Variants in CALCOCO1 observed in about 807,000 individuals in gnomAD.
CALCOCO1 encodes the protein calcium-binding and coiled-coil domain-containing protein 1.
CALCOCO1 carries 44 observed loss-of-function variants against 86.3 expected under a neutral mutation model. The ratio of observed to expected loss-of-function variants is 0.51; its 90% CI spans 0.40 to 0.66. The LOEUF is 0.66. CALCOCO1 is among the 30% of genes least tolerant of loss of function. The probability of loss-of-function intolerance (pLI) is 0.00; values close to 1 mark genes in which losing one functional copy is unlikely to be tolerated. For synonymous variants in CALCOCO1, 297 were observed against 327.6 expected (o/e 0.91, Z 1.01); for missense variants, 708 against 851.1 (o/e 0.83, Z 2.09).
intron 7 of CALCOCO1, 126 bp from the exon 8 acceptor site, chr12:53,716,541 C>T (rs573177087): frequency 5.4e-5 from 51 of 937,234 alleles, no homozygotes; most frequent in Middle Eastern, 2.8e-4. Context: ...AAGCCTTCAG[C>T]TATTGCCAGC....
At chr12:53,716,448 G>T (rs1345560935) in intron 7 of CALCOCO1, 33 bp from the exon 8 acceptor site, 2 of 1,613,504 alleles carry the variant, frequency 1.2e-6, no homozygotes, top group Non-Finnish European at 1.7e-6. Context: ...AAGGAAAGGG[G>T]TATGTGTGTT....
chr12:53,712,763 C>G, intron 14 of CALCOCO1: 1 of 1,314,298 alleles, frequency 7.6e-7, no homozygotes, highest in Non-Finnish European at 9.9e-7. Context: ...CCGGAGGACC[C>G]TAGGTACCTA....
Position 53,721,366 on chromosome 12 carries a change from C to T in CALCOCO1, c.758+101G>A, listed in dbSNP as rs189315103. On this transcript the variant is annotated intron_variant, in intron 6 of 14. Coordinates refer to ENST00000550804, the MANE Select transcript of CALCOCO1 (RefSeq NM_020898.3). Reference sequence around the variant, plus strand: ...GTGAGGGTGAGAGGGAAAGAGAAAGCGTGTGAGGCAGACAGCAGGTCTGCT... The same window carrying T: ...GTGAGGGTGAGAGGGAAAGAGAAAGTGTGTGAGGCAGACAGCAGGTCTGCT... 201 of 1,046,558 alleles carry T rather than the reference C, an allele frequency of 1.9e-4. No individual in the cohort carries two copies. The Middle Eastern group carries it at 2.6e-3, about 14-fold the overall frequency. The allele number at this position is 1,046,558 out of a possible 1,614,324, so 64.8% of individuals were successfully genotyped here.
At position 53,716,057 on chromosome 12, in the gene CALCOCO1, AAGG is replaced by A. The variant is rs781077151; in HGVS notation, c.1006-13_1006-11del. ...AGGGCTCCAGCTCGGCCTCAGGAGA[AAGG>A]AGGAGATGGAGATCAGAGTTCCTAG... is the stretch of plus-strand genomic sequence containing the variant. On this transcript the variant is annotated splice_polypyrimidine_tract_variant and intron_variant, in intron 8 of 14. Transcript: ENST00000550804. 3 of 1,610,778 alleles carry A rather than the reference AAGG, an allele frequency of 1.9e-6. No individual in the cohort carries two copies. Among genetic ancestry groups the A allele is most frequent in the Admixed American group, 1.7e-5 (1 of 60,016 alleles).
intron 4 of CALCOCO1, 27 bp from the exon 5 acceptor site, chr12:53,722,210 G>A: frequency 6.2e-7 from 1 of 1,609,858 alleles, no homozygotes. Context: ...GAGAAGGGGA[G>A]TGTGCTGGTG....
At chr12:53,712,334 G>A in intron 14 of CALCOCO1, 1 of 541,100 alleles carries the variant, frequency 1.8e-6, no homozygotes, top group Non-Finnish European at 3.3e-6. Flanking sequence ...AGTCCCTGCT[G>A]GTCTCTGCAG....
Position 53,713,914 on chromosome 12 carries a change from A to C in CALCOCO1, c.1592-14T>G, listed in dbSNP as rs770014574. 1.3e-6 allele frequency: 2 copies of C among 1,525,014 alleles called. No individual in the cohort carries two copies. The highest frequency in any genetic ancestry group is 4.3e-5 in the Admixed American group (2 of 46,990). 94.5% of individuals were successfully genotyped at this position (1,525,014 alleles called of 1,614,324 possible). The stretch of plus-strand genomic sequence containing the variant: ...CTGCCGGGCAGCCTGTAGGAGATGA[A>C]GCAGGCAGAGAAGAAAAAAGGATGT... On this transcript the variant is annotated splice_polypyrimidine_tract_variant and intron_variant, in intron 12 of 14. Transcript: ENST00000550804.
chr12:53,715,612 G>T, intron 9 of CALCOCO1, 181 bp downstream of exon 9: 2 of 824,328 alleles, frequency 2.4e-6, no homozygotes, highest in South Asian at 1.8e-5. Flanking sequence ...GGGATACCCC[G>T]GTTAGGGATG....
At position 53,716,328 on chromosome 12, in the gene CALCOCO1, G is replaced by C. The variant is rs1324379667; in HGVS notation, c.937C>G (p.Gln313Glu). 1 of 1,614,204 alleles carries C rather than the reference G, an allele frequency of 6.2e-7. No individual in the cohort carries two copies. The highest frequency in any genetic ancestry group is 1.1e-5 in the South Asian group (1 of 91,074). The change falls in exon 8 of 15, where the codon CAG becomes GAG. Residue 313 changes from glutamine to glutamate, a missense_variant. Transcript: ENST00000550804. Reference sequence around the variant, plus strand: ...ACCTTGTCTTTCAGTCGCTGAGCCTGAGCACTCTGCTCCTCTTGCCAGCTC... The same window carrying C: ...ACCTTGTCTTTCAGTCGCTGAGCCTCAGCACTCTGCTCCTCTTGCCAGCTC... ...AKSWQEEQSAQAQRLKDKVAQ... is the reference protein window; with the variant it reads ...AKSWQEEQSAEAQRLKDKVAQ...
Position 53,711,166 on chromosome 12 carries a change from AG to A in CALCOCO1, c.*777del. ...TTCAAACTACAAAGGGATGGATATC[AG>A]GGGGAAGCTTTTATTGCTGTGGGGG... is the stretch of plus-strand genomic sequence containing the variant. On this transcript the variant is annotated 3_prime_UTR_variant, in exon 15 of 15. Transcript: ENST00000550804. 2.5e-6 allele frequency: 1 copy of A among 397,746 alleles called. No homozygotes were observed. 24.6% of individuals were successfully genotyped at this position (397,746 alleles called of 1,614,324 possible).
Position 53,719,833 on chromosome 12 carries a change from T to C in CALCOCO1, c.759-4A>G. The C allele has an allele frequency of 6.2e-7, 1 of 1,606,326 alleles. No homozygotes were observed. The highest frequency in any genetic ancestry group is 8.5e-7 in the Non-Finnish European group (1 of 1,173,382). On this transcript the variant is annotated splice_polypyrimidine_tract_variant and splice_region_variant and intron_variant, in intron 6 of 14. Transcript: ENST00000550804. ...GGCCTTCACTGTGTCTCTAAGCCTG[T>C]GATTGGTGGGATGACATGTCAGACA...
At chr12:53,722,495 T>A (rs1945902819) in intron 4 of CALCOCO1, among the ~76,000 whole-genome samples, 1 of 152,142 alleles carries the variant, frequency 6.6e-6, no homozygotes, top group Non-Finnish European at 1.5e-5. Context: ...AAGGGATGGG[T>A]CCCCTAATTT....
rs565082593 is a variant in CALCOCO1, at chr12:53,715,209, A to G, written c.1377T>C (p.Asp459=). Residue 459 remains aspartate (D), a synonymous_variant, in exon 10 of 15, where the codon GAT becomes GAC. Transcript: ENST00000550804. The part of the protein sequence containing the change: ...VFKTELAREK[D]SSLVQLSESK... ...TGGCTGGATGCCTCACCAGGCTAGA[A>G]TCCTTCTCCCGGGCCAGCTCAGTCT... The G allele has an allele frequency of 2.2e-5, 35 of 1,613,908 alleles. No individual in the cohort carries two copies. Among genetic ancestry groups the G allele is most frequent in the Non-Finnish European group, 2.8e-5 (33 of 1,179,978 alleles).
chr12:53,712,747 T>TC, intron 14 of CALCOCO1: 1 of 1,245,642 alleles, frequency 8.0e-7, no homozygotes, highest in Non-Finnish European at 1.0e-6. Flanking sequence ...TCACCTCCCT[T>TC]CCTCCCCGGA....
chr12:53,725,167 G>T lies in CALCOCO1; in HGVS notation c.76C>A (p.Pro26Thr). 6.2e-7 allele frequency: 1 copy of T among 1,613,382 alleles called. No individual in the cohort carries two copies. The highest frequency in any genetic ancestry group is 2.2e-5 in the East Asian group (1 of 44,828). ...NFLNVARTYI[P>T]NTKVECHYTL... ...TAGTGACATTCCACCTTGGTGTTGGGGATGTAGGTCCGGGCTACATTGAGA... is the reference window on the plus strand; with the variant it reads ...TAGTGACATTCCACCTTGGTGTTGGTGATGTAGGTCCGGGCTACATTGAGA... Residue 26 changes from proline (P) to threonine (T), a missense_variant, in exon 2 of 15, where the codon CCC (proline) becomes ACC (threonine). Coordinates refer to ENST00000550804, the MANE Select transcript of CALCOCO1 (RefSeq NM_020898.3).
In CALCOCO1 at chr12:53,715,297, C is replaced by A. The variant is rs1403641371; in HGVS notation, c.1289G>T (p.Ser430Ile). The change falls in exon 10 of 15, where the codon AGT becomes ATT. Residue 430 changes from serine (S) to isoleucine (I), a missense_variant. Transcript: ENST00000550804. ...CTTCTCCAATCGAAGTATCTCTGCA[C>A]TCAGCTTCAGGATCTTGTCCTTCTC... ...EAEKDKILKLSAEILRLEKAV... is the reference protein window; with the variant it reads ...EAEKDKILKLIAEILRLEKAV... 3.7e-6 allele frequency: 6 copies of A among 1,614,188 alleles called. No homozygotes were observed. The highest frequency in any genetic ancestry group is 5.1e-6 in the Non-Finnish European group (6 of 1,180,046).
intron 11 of CALCOCO1, 133 bp downstream of exon 11, chr12:53,714,465 A>G (rs1030132792): frequency 1.4e-6 from 1 of 713,774 alleles, no homozygotes; most frequent in Admixed American, 2.5e-5. Flanking sequence ...AAATCAGCTA[A>G]TAAGAGAAGC....
At position 53,716,015 on chromosome 12, in the gene CALCOCO1, T is replaced by TC; in HGVS notation, c.1037dup (p.Gly347ArgfsTer43). The TC allele has an allele frequency of 6.2e-7, 1 of 1,613,438 alleles. No homozygotes were observed. Among genetic ancestry groups the TC allele is most frequent in the African/African-American group, 1.3e-5 (1 of 75,032 alleles). ...TTGAGGCTGCAAGCTCCTGGGCCCC[T>TC]CGAAGCTGCTCCTTCAAGGGCTCCA... On this transcript the variant is annotated frameshift_variant, in exon 9 of 15. Coordinates refer to ENST00000550804, the MANE Select transcript of CALCOCO1 (RefSeq NM_020898.3). LOFTEE classifies it high-confidence loss of function.
Position 53,713,219 on chromosome 12 carries a change from G to A in CALCOCO1, c.1792-13C>T, listed in dbSNP as rs765534419. The A allele has an allele frequency of 1.4e-5, 23 of 1,611,050 alleles. No homozygotes were observed. Among genetic ancestry groups the A allele is most frequent in the Non-Finnish European group, 1.9e-5 (22 of 1,177,636 alleles). On this transcript the variant is annotated splice_polypyrimidine_tract_variant and intron_variant, in intron 13 of 14. Coordinates refer to ENST00000550804, the MANE Select transcript of CALCOCO1 (RefSeq NM_020898.3). ...CATCTTCAGCCTCCTGGATGCCAAA[G>A]AGACAGGGTTGGGCTTTGGGGTGGT... is the stretch of plus-strand genomic sequence containing the variant.
Sources: gnomAD v4.1 joint callset for allele counts (sites outside exome capture counted in the v4.1 genomes callset) on GRCh38, gnomAD v4.1.1 for gene constraint, MANE v1.5 for transcripts, NCBI Gene and HGNC (gene_info 2026-07-23, HGNC 2026-07-21) for gene names.